Variants in FCRL5 observed in about 807,000 individuals in gnomAD.
The protein encoded by FCRL5 is Fc receptor-like protein 5.
FCRL5 carries 79 observed loss-of-function variants against 92.1 expected under a neutral mutation model. That is an observed-to-expected ratio of 0.86 (90% CI 0.72 to 1.03). The LOEUF (loss-of-function observed/expected upper bound fraction) is 1.03, where lower values mean the gene tolerates loss of function less well. Among genes scored for constraint, FCRL5 ranks in the 50% least tolerant of loss-of-function variants. The pLI, the probability that FCRL5 is intolerant of heterozygous loss-of-function variation, is 0.00. For synonymous variants in FCRL5, 466 were observed against 469.3 expected, an observed-to-expected ratio of 0.99 and a Z score of 0.09; for missense variants, 1,160 against 1,181.1, an observed-to-expected ratio of 0.98 and a Z score of 0.26.
intron 11 of FCRL5, 57 bp from the exon 12 acceptor site, chr1:157,520,604 G>A (rs1030934823): frequency 2.3e-6 from 3 of 1,330,336 alleles, no homozygotes; most frequent in Non-Finnish European, 2.1e-6. Flanking sequence ...GGAACTGCCC[G>A]CTCCCGGAAG....
intron 7 of FCRL5, among the ~76,000 whole-genome samples, chr1:157,538,618 G>T (rs1173732148): frequency 6.6e-6 from 1 of 152,226 alleles, no homozygotes; most frequent in Non-Finnish European, 1.5e-5. Context: ...AGGGAGACAT[G>T]TTGGGTTAAC....
rs1651420769 is a variant in FCRL5, at chr1:157,544,367, T to A, written c.739A>T (p.Ile247Phe). ...GAATCTTTACTCCACATGGCAGTAA[T>A]CTGGAAATTCGGGGAGAGACTCCAG... ...LGWSLSPNFQ[I>F]TAMWSKDSGF... Residue 247 changes from isoleucine to phenylalanine, a missense_variant, in exon 5 of 17, where the codon ATT becomes TTT. Transcript: ENST00000361835. 1.2e-6 allele frequency: 2 copies of A among 1,614,058 alleles called. No homozygotes were observed. Among genetic ancestry groups the A allele is most frequent in the South Asian group, 1.1e-5 (1 of 91,088 alleles).
At chr1:157,536,236 C>A (rs1397027380) in intron 7 of FCRL5, among the ~76,000 whole-genome samples, 1 of 152,176 alleles carries the variant, frequency 6.6e-6, no homozygotes, top group Non-Finnish European at 1.5e-5. Flanking sequence ...GCCACCTCTC[C>A]TGGCCATGAC....
chr1:157,527,529 T>C, intron 9 of FCRL5, 88 bp downstream of exon 9: 2 of 1,359,984 alleles, frequency 1.5e-6, no homozygotes, highest in Non-Finnish European at 2.0e-6. Flanking sequence ...AGCAAATGAC[T>C]CTAGAAACTG....
chr1:157,519,949 G>T (rs1238788560), intron 12 of FCRL5, among the ~76,000 whole-genome samples, 179 bp from the exon 13 acceptor site: 2 of 152,132 alleles, frequency 1.3e-5, no homozygotes, highest in Non-Finnish European at 2.9e-5. Flanking sequence ...TGCCAGAGGG[G>T]TTTGCTATGA....
chr1:157,550,250 G>A (rs11805332), intron 1 of FCRL5, among the ~76,000 whole-genome samples: 2,003 of 152,252 alleles, frequency 0.013, 36 homozygotes, highest in African/African-American at 0.046. Context: ...AGGAGTCATG[G>A]AATGGTTTCA....
intron 15 of FCRL5, among the ~76,000 whole-genome samples, chr1:157,516,623 A>G (rs1391028138): frequency 6.6e-6 from 1 of 152,270 alleles, no homozygotes; most frequent in African/African-American, 2.4e-5. Flanking sequence ...TTATAGAACT[A>G]TACCCAGCAC....
At chr1:157,515,803 C>T in intron 16 of FCRL5, 39 bp from the exon 17 acceptor site, 1 of 1,613,538 alleles carries the variant, frequency 6.2e-7, no homozygotes, top group Non-Finnish European at 8.5e-7. Flanking sequence ...CCAGGGTGGG[C>T]CTGGGGGTGG....
At chr1:157,536,950 C>T (rs1558136105) in intron 7 of FCRL5, among the ~76,000 whole-genome samples, 1 of 152,228 alleles carries the variant, frequency 6.6e-6, no homozygotes, top group Non-Finnish European at 1.5e-5. Context: ...ATCACTTCCA[C>T]AGTCAATACC....
At chr1:157,533,101 T>A (rs892708902) in intron 8 of FCRL5, 4 of 152,172 alleles carry the variant, frequency 2.6e-5, no homozygotes, top group Non-Finnish European at 4.4e-5. Context: ...GACTGCTTTT[T>A]TCCCCATAAT....
At position 157,520,561 on chromosome 1, in the gene FCRL5, C is replaced by T. The variant is rs372963359; in HGVS notation, c.2516-14G>A. ...TCGCGGTCAGCCCTGAGGGGGAGAC[C>T]CTGTGTGTGAGCCAGAGGAGAGGCT... is the stretch of plus-strand genomic sequence containing the variant. On this transcript the variant is annotated splice_polypyrimidine_tract_variant and intron_variant, in intron 11 of 16. Transcript: ENST00000361835. The T allele has an allele frequency of 6.3e-7, 1 of 1,576,002 alleles. No individual in the cohort carries two copies. The highest frequency in any genetic ancestry group is 8.6e-7 in the Non-Finnish European group (1 of 1,158,996).
In FCRL5 at chr1:157,542,989, C is replaced by A; in HGVS notation, c.993G>T (p.Lys331Asn). The A allele has an allele frequency of 6.2e-7, 1 of 1,614,234 alleles. No individual in the cohort carries two copies. Among genetic ancestry groups the A allele is most frequent in the Non-Finnish European group, 8.5e-7 (1 of 1,180,044 alleles). ...FYHEGVPLRH[K>N]SVRCERGASI... ...ATGCTCCCCTTTCACAGCGGACTGA[C>A]TTGTGCCTCAGGGGGACACCCTCAT... Residue 331 changes from lysine (K) to asparagine (N), a missense_variant, in exon 6 of 17, where the codon AAG becomes AAT. Physicochemically the swap from Lys to Asn is moderately conservative, Grantham distance 94. Transcript: ENST00000361835.
Position 157,515,282 on chromosome 1 carries a change from G to T in FCRL5, c.*393C>A. ...AGGAACTCTGTGTCGGAGTTTAGGAGCACCTGAGCTGTTAGGCCAGCCCGG... is the reference window on the plus strand; with the variant it reads ...AGGAACTCTGTGTCGGAGTTTAGGATCACCTGAGCTGTTAGGCCAGCCCGG... On this transcript the variant is annotated 3_prime_UTR_variant, in exon 17 of 17. Coordinates refer to ENST00000361835, the MANE Select transcript of FCRL5 (RefSeq NM_031281.3). The T allele has an allele frequency of 3.4e-6, 1 of 292,876 alleles. No individual in the cohort carries two copies. Among genetic ancestry groups the T allele is most frequent in the Non-Finnish European group, 6.6e-6 (1 of 151,862 alleles). 18.1% of individuals were successfully genotyped at this position (292,876 alleles called of 1,614,324 possible).
chr1:157,529,947 C>A (rs1371950719), intron 8 of FCRL5, among the ~76,000 whole-genome samples: 1 of 152,138 alleles, frequency 6.6e-6, no homozygotes, highest in Non-Finnish European at 1.5e-5. Context: ...ACCACCTGGT[C>A]CCCAAAACTA....
chr1:157,520,368 G>A (rs192406200), intron 12 of FCRL5, 63 bp downstream of exon 12: 2 of 1,187,062 alleles, frequency 1.7e-6, no homozygotes, highest in African/African-American at 3.0e-5. Context: ...GCAGCATGAA[G>A]CCCAAGGGAG....
At position 157,515,490 on chromosome 1, in the gene FCRL5, T is replaced by C; in HGVS notation, c.*185A>G. 7.5e-7 allele frequency: 1 copy of C among 1,329,260 alleles called. No homozygotes were observed. Among genetic ancestry groups the C allele is most frequent in the Non-Finnish European group, 1.0e-6 (1 of 968,828 alleles). The allele number at this position is 1,329,260 out of a possible 1,614,324, so 82.3% of individuals were successfully genotyped here. A position where few individuals can be genotyped will look rare whatever the true frequency, so the allele number is the denominator to read the frequency against. On this transcript the variant is annotated 3_prime_UTR_variant, in exon 17 of 17. Coordinates refer to ENST00000361835, the MANE Select transcript of FCRL5 (RefSeq NM_031281.3). Reference sequence around the variant, plus strand: ...AAAACCTGCCAGTCAGGGCTTTAACTGGGAAACAGGTGACAGTCCAGCAGG... The same window carrying C: ...AAAACCTGCCAGTCAGGGCTTTAACCGGGAAACAGGTGACAGTCCAGCAGG...
chr1:157,546,391 T>C, intron 3 of FCRL5: 1 of 350,854 alleles, frequency 2.9e-6, no homozygotes, highest in South Asian at 2.2e-5. Context: ...GAAGTTGCAG[T>C]GAGCCGAGAT....
chr1:157,521,188 T>C lies in FCRL5; in HGVS notation c.2344A>G (p.Ile782Val). The C allele has an allele frequency of 1.2e-6, 2 of 1,614,018 alleles. No individual in the cohort carries two copies. The highest frequency in any genetic ancestry group is 1.3e-5 in the African/African-American group (1 of 74,972). Residue 782 changes from isoleucine to valine, a missense_variant, in exon 11 of 17, where the codon ATC becomes GTC. Ile to Val is a conservative substitution (Grantham distance 29, BLOSUM62 3). Transcript: ENST00000361835. ...TCCTCATGAAAAAACCGGTACAGGA[T>C]CAGGGGAGAGCCTCTCAGGGCCTCA... ...HCEALRGSPL[I>V]LYRFFHEDVT... is the part of the protein sequence containing the mutation.
chr1:157,544,245 G>A lies in FCRL5; in HGVS notation c.844+17C>T. The A allele has an allele frequency of 1.2e-6, 2 of 1,610,500 alleles. No individual in the cohort carries two copies. Among genetic ancestry groups the A allele is most frequent in the Non-Finnish European group, 1.7e-6 (2 of 1,176,882 alleles). On this transcript the variant is annotated intron_variant, in intron 5 of 16. Coordinates refer to ENST00000361835, the MANE Select transcript of FCRL5 (RefSeq NM_031281.3). ...CAGCCCTCTCTGCAGCAAATCTCAG[G>A]TTCCACCAACACTTACTCTGCACCT...
Sources: allele counts gnomAD v4.1 joint callset (sites outside exome capture counted in the v4.1 genomes callset), GRCh38; gene constraint gnomAD v4.1.1; transcripts MANE v1.5; gene names NCBI Gene and HGNC (gene_info 2026-07-23, HGNC 2026-07-21).